The following CCDC146 variants were observed in gnomAD, a reference collection of about 807,000 sequenced individuals.
CCDC146 encodes the protein coiled-coil domain-containing protein 146.
CCDC146 carries 92 observed loss-of-function variants against 119.3 expected under a neutral mutation model. The ratio of observed to expected loss-of-function variants is 0.77; its 90% CI spans 0.65 to 0.92. CCDC146 has a LOEUF of 0.92. CCDC146 is among the 40% of genes least tolerant of loss of function. The probability of loss-of-function intolerance (pLI) is 0.00; values close to 1 mark genes in which losing one functional copy is unlikely to be tolerated. For missense variants in CCDC146, 1,000 were observed against 1,103.0 expected (o/e 0.91, Z 1.32); for synonymous variants, 372 against 371.8 (o/e 1.00, Z -0.01).
At chr7:77,156,190 A>C (rs28605947) in intron 1 of CCDC146, among the ~76,000 whole-genome samples, 57,769 of 151,896 alleles carry the variant, frequency 0.38, 11,261 homozygotes, top group African/African-American at 0.44. Context: ...GTAACTGTTT[A>C]ACATGTCTGA....
chr7:77,275,377 C>T (rs747072542), intron 11 of CCDC146, among the ~76,000 whole-genome samples: 6 of 152,140 alleles, frequency 3.9e-5, no homozygotes, highest in Non-Finnish European at 7.3e-5. Flanking sequence ...TAAATCTTCC[C>T]TAAATGAGAT....
intron 2 of CCDC146, among the ~76,000 whole-genome samples, chr7:77,173,795 C>T (rs1310488869): frequency 1.3e-5 from 2 of 151,904 alleles, no homozygotes; most frequent in Non-Finnish European, 2.9e-5. Context: ...TTAATCCTGT[C>T]CCATTTTCTT....
intron 7 of CCDC146, 159 bp from the exon 8 acceptor site, chr7:77,259,850 G>A: frequency 1.7e-6 from 1 of 602,990 alleles, no homozygotes; most frequent in Non-Finnish European, 2.9e-6. Context: ...TTTACCCACT[G>A]CTGAGATCAT....
At chr7:77,161,599 G>C (rs1791262606) in intron 1 of CCDC146, among the ~76,000 whole-genome samples, 1 of 139,304 alleles carries the variant, frequency 7.2e-6, no homozygotes, top group East Asian at 2.2e-4. Context: ...AGAACACATG[G>C]ACCCAGGAAG....
At chr7:77,233,111 C>T (rs1792665251) in intron 2 of CCDC146, among the ~76,000 whole-genome samples, 1 of 103,224 alleles carries the variant, frequency 9.7e-6, no homozygotes, top group East Asian at 3.0e-4. Context: ...TTTTTTTAGA[C>T]GGAATCTCAC....
At chr7:77,142,332 T>A (rs1790945808) in intron 1 of CCDC146, among the ~76,000 whole-genome samples, 1 of 149,378 alleles carries the variant, frequency 6.7e-6, no homozygotes, top group Non-Finnish European at 1.5e-5. Flanking sequence ...ATTTATTTAT[T>A]TATTTATTTA....
intron 4 of CCDC146, 82 bp downstream of exon 4, chr7:77,241,982 G>T (rs1261782848): frequency 1.1e-5 from 11 of 1,041,602 alleles, no homozygotes; most frequent in South Asian, 2.9e-5. Flanking sequence ...GGAGGTAATT[G>T]AAGGAGTAGG....
intron 2 of CCDC146, among the ~76,000 whole-genome samples, chr7:77,184,362 C>T (rs1273476836): frequency 6.6e-6 from 1 of 152,190 alleles, no homozygotes; most frequent in Non-Finnish European, 1.5e-5. Context: ...ACCAACCCTG[C>T]TTTCATCATG....
At chr7:77,221,674 T>G (rs1159918876) in intron 2 of CCDC146, among the ~76,000 whole-genome samples, 2 of 152,198 alleles carry the variant, frequency 1.3e-5, no homozygotes, top group Non-Finnish European at 2.9e-5. Flanking sequence ...ATCCCTGGCT[T>G]CAGCGCACTT....
intron 1 of CCDC146, among the ~76,000 whole-genome samples, chr7:77,130,923 ACT>A (rs1300231993): frequency 2.1e-5 from 2 of 95,098 alleles, no homozygotes; most frequent in Non-Finnish European, 4.3e-5. Flanking sequence ...ACGGAGTCTC[ACT>A]CTGTCATCCA....
At chr7:77,258,735 G>C (rs759411881) in intron 6 of CCDC146, among the ~76,000 whole-genome samples, 11 of 152,196 alleles carry the variant, frequency 7.2e-5, no homozygotes, top group Admixed American at 2.0e-4. Context: ...ATGTGGAGGA[G>C]CATCTGTACC....
At chr7:77,214,866 G>A (rs74890324) in intron 2 of CCDC146, among the ~76,000 whole-genome samples, 4,216 of 152,182 alleles carry the variant, frequency 0.028, 166 homozygotes, top group East Asian at 0.14. Context: ...CACAAAATGG[G>A]ATGCCTCTTG....
chr7:77,186,216 T>C (rs896917029), intron 2 of CCDC146, among the ~76,000 whole-genome samples: 1 of 152,096 alleles, frequency 6.6e-6, no homozygotes, highest in Non-Finnish European at 1.5e-5. Context: ...GCACTATTCA[T>C]AATAGCCCAG....
intron 4 of CCDC146, among the ~76,000 whole-genome samples, chr7:77,251,951 C>T (rs1160675586): frequency 1.3e-5 from 2 of 152,114 alleles, no homozygotes; most frequent in Non-Finnish European, 1.5e-5. Context: ...GAGTTCAAAA[C>T]GAGGCTGGCT....
At chr7:77,254,043 G>T (rs531336665) in intron 4 of CCDC146, among the ~76,000 whole-genome samples, 2 of 152,182 alleles carry the variant, frequency 1.3e-5, no homozygotes, top group Non-Finnish European at 2.9e-5. Context: ...ATCAAGCAGG[G>T]AAGTGAAGTG....
At position 77,139,858 on chromosome 7, in the gene CCDC146, C is replaced by CT. The variant is rs1160545921; in HGVS notation, c.-12+17127dup. 8.6e-5 allele frequency among the ~76,000 whole-genome samples: 13 copies of CT among 150,784 alleles called. No homozygotes were observed. The East Asian group carries it at 2.5e-3, about 29-fold the overall frequency. ...AAGGTCAAAAACAAAAATCAATTCT[C>CT]TCCCCTTCCTTCCTTCCTTCCTTCC... On this transcript the variant is annotated intron_variant, in intron 1 of 18. Coordinates refer to ENST00000285871, the MANE Select transcript of CCDC146 (RefSeq NM_020879.3).
chr7:77,240,183 C>T (rs1792816955), intron 3 of CCDC146, among the ~76,000 whole-genome samples: 1 of 152,234 alleles, frequency 6.6e-6, no homozygotes, highest in Non-Finnish European at 1.5e-5. Context: ...CATTTATCCC[C>T]TTCTAGTAAG....
intron 2 of CCDC146, among the ~76,000 whole-genome samples, chr7:77,191,483 C>A (rs10252204): frequency 0.51 from 77,413 of 152,012 alleles, 21,677 homozygotes; most frequent in African/African-American, 0.75. Flanking sequence ...CTCCTATTCA[C>A]ACAGATTGAT....
chr7:77,237,934 C>G (rs1792768715), intron 3 of CCDC146, among the ~76,000 whole-genome samples: 1 of 152,152 alleles, frequency 6.6e-6, no homozygotes, highest in South Asian at 2.1e-4. Flanking sequence ...CAAGGAGCAA[C>G]AGCAACAGAT....
Sources: gnomAD v4.1 joint callset for allele counts (sites outside exome capture counted in the v4.1 genomes callset) on GRCh38, gnomAD v4.1.1 for gene constraint, MANE v1.5 for transcripts, NCBI Gene and HGNC (gene_info 2026-07-23, HGNC 2026-07-21) for gene names.